The following LY96 variants were observed in gnomAD, a reference collection of about 807,000 sequenced individuals.
LY96 encodes lymphocyte antigen 96.
In LY96, 18 loss-of-function variants were observed where a neutral mutation model predicts 18.9. That is an observed-to-expected ratio of 0.95 (90% CI 0.66 to 1.41). The LOEUF is 1.41. Among genes scored for constraint, LY96 ranks in the 40% most tolerant of loss-of-function variants. The probability of loss-of-function intolerance (pLI) is 0.00; values close to 1 mark genes in which losing one functional copy is unlikely to be tolerated. For synonymous variants in LY96, 66 were observed against 62.6 expected (o/e 1.06, Z -0.26); for missense variants, 175 against 182.4 (o/e 0.96, Z 0.23).
At chr8:74,037,614 C>T in the LY96 span, among the ~76,000 whole-genome samples, 1 of 152,054 alleles carries the variant, frequency 6.6e-6, no homozygotes, top group Non-Finnish European at 1.5e-5. Flanking sequence ...GCTGGGGCAA[C>T]AGAGTGAGAC....
At chr8:74,049,711 T>C in the LY96 span, among the ~76,000 whole-genome samples, 3 of 152,172 alleles carry the variant, frequency 2.0e-5, no homozygotes, top group African/African-American at 4.8e-5. Context: ...CAGCCTTCCA[T>C]GAGAGTTGGG....
chr8:74,046,577 G>A, the LY96 span, among the ~76,000 whole-genome samples: 69 of 151,750 alleles, frequency 4.5e-4, no homozygotes, highest in Admixed American at 6.6e-4. Context: ...CACCCCCCAC[G>A]CAAAAAAACC....
chr8:74,098,186 G>A, the LY96 span, among the ~76,000 whole-genome samples: 5 of 152,052 alleles, frequency 3.3e-5, no homozygotes, highest in African/African-American at 1.2e-4. Flanking sequence ...CTAGCCCTTC[G>A]GTATTCAATA....
the LY96 span, among the ~76,000 whole-genome samples, chr8:74,086,086 T>G: frequency 6.6e-6 from 1 of 152,190 alleles, no homozygotes; most frequent in Non-Finnish European, 1.5e-5. Flanking sequence ...ATCCTCTGTT[T>G]TCTATGGGTT....
At chr8:74,069,016 C>T in the LY96 span, among the ~76,000 whole-genome samples, 32 of 152,290 alleles carry the variant, frequency 2.1e-4, no homozygotes, top group East Asian at 6.0e-3. Flanking sequence ...AAACTCCTGA[C>T]CTCAAGTGAT....
downstream of LY96, among the ~76,000 whole-genome samples, chr8:74,029,721 A>G (rs2131288440): frequency 6.6e-6 from 1 of 152,162 alleles, no homozygotes; most frequent in Non-Finnish European, 1.5e-5. Flanking sequence ...GTGCAGTGGC[A>G]CCATCTCGGC....
chr8:74,003,801 G>A (rs929507091), intron 1 of LY96, among the ~76,000 whole-genome samples: 1 of 152,148 alleles, frequency 6.6e-6, no homozygotes, highest in Non-Finnish European at 1.5e-5. Context: ...TTTGAGATGA[G>A]TCAGCCTAAT....
At chr8:74,054,617 C>CTTCT in the LY96 span, among the ~76,000 whole-genome samples, 12,255 of 69,934 alleles carry the variant, frequency 0.18, 1,275 homozygotes, top group East Asian at 0.23. Flanking sequence ...TTTCCTTTTC[C>CTTCT]TTCTTTCTTT....
the LY96 span, among the ~76,000 whole-genome samples, chr8:74,088,690 A>G: frequency 6.6e-6 from 1 of 152,122 alleles, no homozygotes; most frequent in East Asian, 1.9e-4. Context: ...GGTTCAAGCG[A>G]TTCTTGTGCC....
the LY96 span, among the ~76,000 whole-genome samples, chr8:74,074,496 CTG>C: frequency 1.3e-5 from 2 of 151,448 alleles, no homozygotes; most frequent in African/African-American, 4.9e-5. Flanking sequence ...TATTTATGCT[CTG>C]ATGTTTATTA....
rs1563710943 is a variant in LY96, at chr8:74,002,093, T to TTCTTTCTTTCTCTCTC, written c.113-2700_113-2699insTTCTTTCTCTCTCTCT. ...TTCCTTCCTTTCTTTCTTTCTTTCTTTCTCTCTCTCTCTCTCTCTCTCTCT... is the reference window on the plus strand; with the variant it reads ...TTCCTTCCTTTCTTTCTTTCTTTCTTTCTTTCTTTCTCTCTCTCTCTCTCTCTCTCTCTCTCTCTCT... On this transcript the variant is annotated intron_variant, in intron 1 of 4. Transcript: ENST00000284818. 1.8e-4 allele frequency among the ~76,000 whole-genome samples: 7 copies of TTCTTTCTTTCTCTCTC among 38,726 alleles called. 1 individual carries two copies. Among genetic ancestry groups the TTCTTTCTTTCTCTCTC allele is most frequent in the Admixed American group, 3.6e-4 (1 of 2,770 alleles). The allele number at this position is 38,726 out of a possible 152,430, so 25.4% of individuals were successfully genotyped here. A position where few individuals can be genotyped will look rare whatever the true frequency, so the allele number is the denominator to read the frequency against.
intron 1 of LY96, among the ~76,000 whole-genome samples, chr8:73,998,891 C>T (rs758458615): frequency 2.0e-5 from 3 of 151,546 alleles, no homozygotes; most frequent in Non-Finnish European, 4.4e-5. Flanking sequence ...TTTTTAACTT[C>T]CTTAGTGAAG....
At chr8:73,996,341 C>CTTCT (rs1816126970) in intron 1 of LY96, among the ~76,000 whole-genome samples, 1 of 131,606 alleles carries the variant, frequency 7.6e-6, no homozygotes, top group African/African-American at 2.9e-5. Flanking sequence ...TCCTTCCTTC[C>CTTCT]TTCCTTCCTT....
At chr8:74,097,935 T>C in the LY96 span, among the ~76,000 whole-genome samples, 2 of 152,148 alleles carry the variant, frequency 1.3e-5, no homozygotes, top group East Asian at 1.9e-4. Context: ...AGCAGAGAAA[T>C]TGACTTAAGC....
At chr8:74,055,860 C>A in the LY96 span, 1 of 152,286 alleles carries the variant, frequency 6.6e-6, no homozygotes, top group Non-Finnish European at 1.5e-5. Flanking sequence ...GGACTGGCCC[C>A]TTTTGGCTCT....
intron 4 of LY96, among the ~76,000 whole-genome samples, chr8:74,027,368 T>G (rs1455740926): frequency 1.3e-5 from 2 of 151,394 alleles, no homozygotes; most frequent in Admixed American, 1.3e-4. Context: ...GAGTGAAGTG[T>G]GTTCTGGACT....
the LY96 span, among the ~76,000 whole-genome samples, chr8:74,050,107 C>T: frequency 6.6e-6 from 1 of 152,278 alleles, no homozygotes; most frequent in Non-Finnish European, 1.5e-5. Flanking sequence ...CTTTGGGAAG[C>T]TGAGGCACAT....
the LY96 span, among the ~76,000 whole-genome samples, chr8:74,049,230 G>A: frequency 6.6e-6 from 1 of 152,060 alleles, no homozygotes; most frequent in Non-Finnish European, 1.5e-5. Flanking sequence ...AATATTTGTT[G>A]AATACACGAG....
chr8:74,081,122 T>TTTCTTTCTTTCTTTCTTTCTTTCTTTCC, the LY96 span, among the ~76,000 whole-genome samples: 2 of 124,260 alleles, frequency 1.6e-5, no homozygotes, highest in Admixed American at 8.7e-5. Flanking sequence ...TCTTTCTTTC[T>TTTCTTTCTTTCTTTCTTTCTTTCTTTCC]TTCCTTCCTT....
Sources: allele counts gnomAD v4.1 joint callset (sites outside exome capture counted in the v4.1 genomes callset), GRCh38; gene constraint gnomAD v4.1.1; transcripts MANE v1.5; gene names NCBI Gene and HGNC (gene_info 2026-07-23, HGNC 2026-07-21).